The following GTPBP10 variants were observed in gnomAD, a reference collection of about 807,000 sequenced individuals.
The protein encoded by GTPBP10 is GTP-binding protein 10.
A neutral mutation model predicts 44.8 loss-of-function variants in GTPBP10; 38 were observed. That is an observed-to-expected ratio of 0.85 (90% CI 0.65 to 1.11). The LOEUF (loss-of-function observed/expected upper bound fraction) is 1.11, where lower values mean the gene tolerates loss of function less well. Among genes scored for constraint, GTPBP10 ranks in the 50% most tolerant of loss-of-function variants. The pLI is 0.00. For missense variants in GTPBP10, 462 were observed against 453.7 expected (o/e 1.02, Z -0.17); for synonymous variants, 152 against 150.6 (o/e 1.01, Z -0.07).
Position 90,352,824 on chromosome 7 carries a change from T to C in GTPBP10, c.42T>C (p.Asn14=). 1 of 1,589,534 alleles carries C rather than the reference T, an allele frequency of 6.3e-7. No individual in the cohort carries two copies. The highest frequency in any genetic ancestry group is 8.5e-7 in the Non-Finnish European group (1 of 1,171,462). ...TCTCTTTTTTTTTTAAGTATGGAAA[T>C]TTCATCGATAAGCTAAGACTCTTCA... The part of the protein sequence containing the change: ...CSCVLFRKYG[N]FIDKLRLFTR... The change falls in exon 2 of 10, where the codon AAT becomes AAC. Residue 14 remains asparagine, a synonymous_variant. Transcript: ENST00000222511.
intron 4 of GTPBP10, among the ~76,000 whole-genome samples, chr7:90,362,712 T>A (rs1796050115): frequency 6.6e-6 from 1 of 152,242 alleles, no homozygotes; most frequent in Non-Finnish European, 1.5e-5. Flanking sequence ...CTTGTTGATC[T>A]GTCTAATGTT....
At chr7:90,364,904 C>T (rs1272426769) in intron 4 of GTPBP10, among the ~76,000 whole-genome samples, 1 of 152,172 alleles carries the variant, frequency 6.6e-6, no homozygotes, top group Non-Finnish European at 1.5e-5. Context: ...GAGTGAAGCT[C>T]CGTGAGCGTG....
chr7:90,357,637 T>C (rs1795930032), intron 4 of GTPBP10, among the ~76,000 whole-genome samples: 1 of 152,176 alleles, frequency 6.6e-6, no homozygotes, highest in Non-Finnish European at 1.5e-5. Flanking sequence ...GAATAAGAAC[T>C]CTGTGAAGGC....
rs1584643498 is a variant in GTPBP10 at position 90,374,215 on chromosome 7, T to C, written c.539-87T>C. 4.6e-6 allele frequency: 4 copies of C among 863,010 alleles called. No individual in the cohort carries two copies. The East Asian group carries it at 7.4e-5, about 16-fold the overall frequency. The allele number at this position is 863,010 out of a possible 1,614,324, so 53.5% of individuals were successfully genotyped here. ...TTAGAACAAAATCTGAATTGAAATATTGTTTATGCATAATACCAAGACAGT... is the reference window on the plus strand; with the variant it reads ...TTAGAACAAAATCTGAATTGAAATACTGTTTATGCATAATACCAAGACAGT... On this transcript the variant is annotated intron_variant, in intron 5 of 9. Coordinates refer to ENST00000222511, the MANE Select transcript of GTPBP10 (RefSeq NM_033107.4).
At chr7:90,375,936 A>G (rs890412059) in intron 6 of GTPBP10, among the ~76,000 whole-genome samples, 5 of 152,042 alleles carry the variant, frequency 3.3e-5, no homozygotes, top group Admixed American at 6.6e-5. Flanking sequence ...AGGTTTGAAA[A>G]GCACAAGTGG....
intron 4 of GTPBP10, among the ~76,000 whole-genome samples, chr7:90,365,410 C>T (rs1284611203): frequency 8.0e-6 from 1 of 125,616 alleles, no homozygotes; most frequent in Non-Finnish European, 1.6e-5. Context: ...GAGTCTCGCT[C>T]TGTCACCCAG....
At chr7:90,370,142 T>G (rs1242608793) in intron 4 of GTPBP10, among the ~76,000 whole-genome samples, 2 of 152,090 alleles carry the variant, frequency 1.3e-5, no homozygotes, top group African/African-American at 2.4e-5. Context: ...GGAAACAGTA[T>G]GGAGATTTCT....
chr7:90,384,877 T>C lies in GTPBP10; in HGVS notation c.902-15T>C, dbSNP rs1262379666. On this transcript the variant is annotated splice_polypyrimidine_tract_variant and intron_variant, in intron 9 of 9. Transcript: ENST00000222511. ...AAACAATGGAAATCAGCTTTGTTTG[T>C]GCTCTTTCTTTTAGATTTTCTGCAT... 6.3e-7 allele frequency: 1 copy of C among 1,581,714 alleles called. No homozygotes were observed. Among genetic ancestry groups the C allele is most frequent in the Admixed American group, 1.8e-5 (1 of 54,142 alleles).
intron 5 of GTPBP10, among the ~76,000 whole-genome samples, chr7:90,373,086 T>C (rs777079211): frequency 3.9e-5 from 6 of 151,962 alleles, no homozygotes; most frequent in Admixed American, 6.6e-5. Flanking sequence ...TCAGAGGAAA[T>C]AGTATGTACA....
At chr7:90,374,665 G>T (rs1307446152) in intron 6 of GTPBP10, among the ~76,000 whole-genome samples, 1 of 151,952 alleles carries the variant, frequency 6.6e-6, no homozygotes, top group Non-Finnish European at 1.5e-5. Context: ...TTTTAAAAAT[G>T]CTCTCTAAAG....
intron 6 of GTPBP10, 125 bp downstream of exon 6, chr7:90,374,479 T>C (rs969748836): frequency 3.2e-6 from 2 of 630,904 alleles, no homozygotes; most frequent in Non-Finnish European, 5.6e-6. Context: ...CAAGATTTTG[T>C]TTATGCTAAG....
chr7:90,364,871 T>A (rs1036108423), intron 4 of GTPBP10, among the ~76,000 whole-genome samples: 2 of 152,166 alleles, frequency 1.3e-5, no homozygotes, highest in Non-Finnish European at 2.9e-5. Flanking sequence ...TGCAGTTCGA[T>A]CTCAGACTGC....
At chr7:90,381,612 AT>A (rs1796437422) in intron 8 of GTPBP10, among the ~76,000 whole-genome samples, 1 of 152,214 alleles carries the variant, frequency 6.6e-6, no homozygotes. Flanking sequence ...AAGCAATCTT[AT>A]CTTGAGCAAA....
intron 3 of GTPBP10, 92 bp downstream of exon 3, chr7:90,354,641 T>C: frequency 9.1e-6 from 6 of 658,618 alleles, no homozygotes; most frequent in Non-Finnish European, 1.3e-5. Context: ...CAGAAGATTT[T>C]TTAACTAACA....
At chr7:90,368,131 G>C (rs575572284) in intron 4 of GTPBP10, among the ~76,000 whole-genome samples, 1 of 152,202 alleles carries the variant, frequency 6.6e-6, no homozygotes, top group Non-Finnish European at 1.5e-5. Flanking sequence ...TGGCTTGTAG[G>C]GTTTCTGCCA....
chr7:90,352,741 GAAGA>G (rs1188254123), intron 1 of GTPBP10, 71 bp from the exon 2 acceptor site: 14 of 1,153,002 alleles, frequency 1.2e-5, no homozygotes, highest in Non-Finnish European at 1.4e-5. Flanking sequence ...AGTTTTAGTG[GAAGA>G]AAGAACTAGA....
At position 90,389,783 on chromosome 7, in the gene GTPBP10, C is replaced by G. The variant is rs1023796334; in HGVS notation, c.*4629C>G. On this transcript the variant is annotated 3_prime_UTR_variant, in exon 10 of 10. Coordinates refer to ENST00000222511, the MANE Select transcript of GTPBP10 (RefSeq NM_033107.4). ...TTTTTCTTAAAGAGATATTTCATATCTGTTCTATTTGTTTAGTTTTATTTA... is the reference window on the plus strand; with the variant it reads ...TTTTTCTTAAAGAGATATTTCATATGTGTTCTATTTGTTTAGTTTTATTTA... The G allele has an allele frequency of 1.3e-5, 2 of 151,928 alleles. No individual in the cohort carries two copies. The highest frequency in any genetic ancestry group is 1.3e-4 in the Admixed American group (2 of 15,240). 9.4% of individuals were successfully genotyped at this position (151,928 alleles called of 1,614,324 possible). A position where few individuals can be genotyped will look rare whatever the true frequency, so the allele number is the denominator to read the frequency against.
intron 4 of GTPBP10, among the ~76,000 whole-genome samples, chr7:90,356,605 A>C (rs894668160): frequency 6.6e-6 from 1 of 152,158 alleles, no homozygotes; most frequent in African/African-American, 2.4e-5. Context: ...TAAATTACAC[A>C]GCCTCTCTAA....
chr7:90,353,414 C>T (rs1444118091), intron 2 of GTPBP10, among the ~76,000 whole-genome samples: 1 of 152,162 alleles, frequency 6.6e-6, no homozygotes, highest in Non-Finnish European at 1.5e-5. Context: ...TAAGACTTTT[C>T]TGTGTGTTTA....
Sources: gnomAD v4.1 joint callset for allele counts (sites outside exome capture counted in the v4.1 genomes callset) on GRCh38, gnomAD v4.1.1 for gene constraint, MANE v1.5 for transcripts, NCBI Gene and HGNC (gene_info 2026-07-23, HGNC 2026-07-21) for gene names.